PTK2: variants seen among roughly 807,000 people sequenced by gnomAD.
PTK2 encodes the protein focal adhesion kinase 1.
Under a neutral mutation model 150.1 loss-of-function variants are expected in PTK2, and 45 were observed. That is an observed-to-expected ratio of 0.30 (90% confidence interval 0.24 to 0.38). The LOEUF (loss-of-function observed/expected upper bound fraction) is 0.38, where lower values mean the gene tolerates loss of function less well. Ranked by LOEUF, PTK2 falls within the 10% of genes least tolerant of loss-of-function variation. The probability of loss-of-function intolerance (pLI) is 1.00; values close to 1 mark genes in which losing one functional copy is unlikely to be tolerated. For synonymous variants in PTK2, 432 were observed against 449.2 expected, an observed-to-expected ratio of 0.96 and a Z score of 0.48; for missense variants, 919 against 1,307.3, an observed-to-expected ratio of 0.70 and a Z score of 4.58.
exon 17 of PTK2, chr8:140,752,245 A>G (rs1187268646): frequency 1.9e-6 from 3 of 1,613,838 alleles, no homozygotes; most frequent in East Asian, 4.5e-5. Flanking sequence ...CTTCTTGAAG[A>G]AATTTCTCTC....
At chr8:140,946,297 T>C (rs979740862) in intron 1 of PTK2, among the ~76,000 whole-genome samples, 2 of 152,120 alleles carry the variant, frequency 1.3e-5, no homozygotes, top group Non-Finnish European at 2.9e-5. Flanking sequence ...ACTACTTCAA[T>C]TGGCTCAATA....
intron 2 of PTK2, among the ~76,000 whole-genome samples, chr8:140,917,048 A>C (rs2100165536): frequency 2.0e-5 from 3 of 152,214 alleles, no homozygotes; most frequent in South Asian, 2.1e-4. Flanking sequence ...TTACTATAAG[A>C]AGCACAGCTC....
At chr8:140,856,401 C>T (rs1005074636) in intron 5 of PTK2, among the ~76,000 whole-genome samples, 5 of 151,392 alleles carry the variant, frequency 3.3e-5, no homozygotes, top group African/African-American at 9.8e-5. Flanking sequence ...CAAAACAAAA[C>T]AGTCCAGATG....
intron 2 of PTK2, among the ~76,000 whole-genome samples, chr8:140,895,833 T>C (rs1442812407): frequency 1.3e-5 from 2 of 152,068 alleles, no homozygotes; most frequent in African/African-American, 4.8e-5. Context: ...ATGTACCCCA[T>C]AAATATATAT....
At chr8:140,871,067 C>A (rs910338780) in intron 4 of PTK2, among the ~76,000 whole-genome samples, 2 of 152,074 alleles carry the variant, frequency 1.3e-5, no homozygotes, top group East Asian at 3.8e-4. Flanking sequence ...AAATGTTAAT[C>A]CTGATTAAAA....
intron 23 of PTK2, among the ~76,000 whole-genome samples, chr8:140,716,630 A>T (rs1243155828): frequency 1.3e-5 from 2 of 152,224 alleles, no homozygotes; most frequent in Non-Finnish European, 2.9e-5. Flanking sequence ...CAAGAAAGTA[A>T]AAGTTTTCAG....
At chr8:140,679,957 G>C (rs997242182) in intron 27 of PTK2, among the ~76,000 whole-genome samples, 4 of 152,216 alleles carry the variant, frequency 2.6e-5, no homozygotes, top group African/African-American at 9.6e-5. Flanking sequence ...CGTGTTAACA[G>C]TCCCCAGGAA....
chr8:140,784,137 C>A (rs532127754), intron 14 of PTK2, among the ~76,000 whole-genome samples: 1 of 152,234 alleles, frequency 6.6e-6, no homozygotes, highest in East Asian at 1.9e-4. Context: ...TGCATTCCAG[C>A]CTGGGTGACA....
In PTK2 at chr8:140,666,033, G is replaced by A. The variant is rs191397989; in HGVS notation, c.2866-1036C>T. On this transcript the variant is annotated intron_variant, in intron 30 of 31. Coordinates refer to ENST00000522684, the Ensembl canonical transcript of PTK2. ...AAGCTGTTGCAAAGATTGCTAATAG[G>A]TATACTAAAAAACAGTTGTAGGGGC... is the stretch of plus-strand genomic sequence containing the variant. 5.8e-4 allele frequency among the ~76,000 whole-genome samples: 89 copies of A among 152,274 alleles called. No homozygotes were observed. In the East Asian group the frequency reaches 9.6e-3, roughly 16 times the overall value.
chr8:140,832,248 T>C (rs1043416254), intron 7 of PTK2, among the ~76,000 whole-genome samples: 1 of 152,056 alleles, frequency 6.6e-6, no homozygotes, highest in African/African-American at 2.4e-5. Flanking sequence ...AGAGATGGGG[T>C]CTCACCATGT....
At chr8:140,959,733 C>T (rs1236261974) in intron 1 of PTK2, among the ~76,000 whole-genome samples, 1 of 151,964 alleles carries the variant, frequency 6.6e-6, no homozygotes, top group Non-Finnish European at 1.5e-5. Flanking sequence ...CAGCTCATGC[C>T]TGTAATTCTA....
At chr8:140,817,359 G>A (rs1455070371) in intron 10 of PTK2, among the ~76,000 whole-genome samples, 2 of 152,082 alleles carry the variant, frequency 1.3e-5, no homozygotes, top group Non-Finnish European at 2.9e-5. Flanking sequence ...GGTCAGACAC[G>A]GTTTGGCACA....
intron 21 of PTK2, among the ~76,000 whole-genome samples, chr8:140,735,765 T>G (rs1187041450): frequency 6.6e-6 from 1 of 152,216 alleles, no homozygotes; most frequent in Non-Finnish European, 1.5e-5. Flanking sequence ...CTTAATGCAG[T>G]AGTTCAAAAA....
rs190079009 is a variant in PTK2, at chr8:140,899,173, C to A, written c.-32-8404G>T. 6.6e-5 allele frequency among the ~76,000 whole-genome samples: 10 copies of A among 152,220 alleles called. No homozygotes were observed. In the East Asian group the frequency reaches 1.7e-3, roughly 26 times the overall value. On this transcript the variant is annotated intron_variant, in intron 2 of 31. Coordinates refer to ENST00000522684, the Ensembl canonical transcript of PTK2. The stretch of plus-strand genomic sequence containing the variant: ...TTCCAATGTAACTTTGATACACTTT[C>A]TGTTAATAAGTGGAATCTGTATTCC...
At chr8:140,817,718 G>T (rs560358248) in intron 10 of PTK2, among the ~76,000 whole-genome samples, 3 of 152,246 alleles carry the variant, frequency 2.0e-5, no homozygotes, top group East Asian at 3.9e-4. Context: ...CACCAAGCAG[G>T]TTCTCAATAA....
chr8:140,755,062 T>C (rs1052042323), intron 16 of PTK2, among the ~76,000 whole-genome samples: 13 of 152,132 alleles, frequency 8.5e-5, no homozygotes, highest in Admixed American at 2.0e-4. Flanking sequence ...AAGATTAGGC[T>C]CTGAATTAAT....
At position 141,000,357 on chromosome 8, in the gene PTK2, C is replaced by A. The variant is rs562187176; in HGVS notation, c.-122+768G>T. Among the ~76,000 whole-genome samples the A allele has an allele frequency of 2.7e-3, 413 of 152,300 alleles. 4 individuals carry two copies. Among genetic ancestry groups the A allele is most frequent in the African/African-American group, 8.4e-3 (350 of 41,580 alleles). ...TGAGGGTTTGCGTTCGGGGACACGG[C>A]GGGCTTGGGGCTCGGGCACCGGCAG... On this transcript the variant is annotated intron_variant, in intron 1 of 31. Coordinates refer to ENST00000522684, the Ensembl canonical transcript of PTK2.
chr8:140,928,198 T>C (rs1016403345), intron 1 of PTK2, among the ~76,000 whole-genome samples: 1 of 151,884 alleles, frequency 6.6e-6, no homozygotes, highest in African/African-American at 2.4e-5. Flanking sequence ...ACCAAGAAAT[T>C]TCAGGAGTCA....
chr8:140,892,341 C>A (rs950428587), intron 2 of PTK2, among the ~76,000 whole-genome samples: 1 of 152,124 alleles, frequency 6.6e-6, no homozygotes, highest in Non-Finnish European at 1.5e-5. Context: ...TCAAGACCAG[C>A]CTAGCCAACT....
Sources: gnomAD v4.1 joint callset for allele counts (sites outside exome capture counted in the v4.1 genomes callset) on GRCh38, gnomAD v4.1.1 for gene constraint, MANE v1.5 for transcripts, NCBI Gene and HGNC (gene_info 2026-07-23, HGNC 2026-07-21) for gene names.